The following KCNS3 variants were observed in gnomAD, a reference collection of about 807,000 sequenced individuals.
The protein encoded by KCNS3 is potassium voltage-gated channel modifier subfamily S member 3.
Under a neutral mutation model 31.0 loss-of-function variants are expected in KCNS3, and 13 were observed. The observed-to-expected ratio is 0.42, with a 90% CI of 0.27 to 0.67. The LOEUF is 0.67. Ranked by LOEUF, KCNS3 falls within the 30% of genes least tolerant of loss-of-function variation. The pLI is 0.25. For missense variants in KCNS3, 545 were observed against 622.4 expected, an observed-to-expected ratio of 0.88 and a Z score of 1.32; for synonymous variants, 238 against 241.5, an observed-to-expected ratio of 0.99 and a Z score of 0.13.
intron 1 of KCNS3, among the ~76,000 whole-genome samples, chr2:17,902,565 C>T (rs1278215115): frequency 6.6e-6 from 1 of 152,096 alleles, no homozygotes; most frequent in Non-Finnish European, 1.5e-5. Context: ...GGATAAAGTG[C>T]TTTTTATACA....
chr2:17,907,005 G>A (rs1662335540), intron 1 of KCNS3, among the ~76,000 whole-genome samples: 1 of 152,122 alleles, frequency 6.6e-6, no homozygotes, highest in Non-Finnish European at 1.5e-5. Context: ...TTCAATTCCT[G>A]GATATCCTTG....
rs372182383 is a variant in KCNS3, at chr2:17,908,843, G to A, written c.-251-8837G>A. Reference sequence around the variant, plus strand: ...GAAGCTTTGTCTCAGAGGGGTACCCGGCCGTGTGAAGTGTCAGTCTGCCCC... The same window carrying A: ...GAAGCTTTGTCTCAGAGGGGTACCCAGCCGTGTGAAGTGTCAGTCTGCCCC... On this transcript the variant is annotated intron_variant, in intron 1 of 2. Transcript: ENST00000304101. 5.6e-4 allele frequency among the ~76,000 whole-genome samples: 86 copies of A among 152,302 alleles called. 1 individual carries two copies. In the South Asian group the frequency reaches 0.016, roughly 28 times the overall value.
intron 1 of KCNS3, among the ~76,000 whole-genome samples, chr2:17,880,886 G>C (rs148539160): frequency 6.6e-6 from 1 of 152,240 alleles, no homozygotes; most frequent in East Asian, 1.9e-4. Context: ...GCATCCCTCT[G>C]TTCTACCACC....
chr2:17,887,484 G>GATCTATCTATCTATCTATCC (rs149585478), intron 1 of KCNS3, among the ~76,000 whole-genome samples: 3,117 of 146,348 alleles, frequency 0.021, 76 homozygotes, highest in East Asian at 0.13. Context: ...TCTATCATAT[G>GATCTATCTATCTATCTATCC]ATCTATCTAT....
chr2:17,908,252 C>T (rs908949258), intron 1 of KCNS3, among the ~76,000 whole-genome samples: 12 of 152,278 alleles, frequency 7.9e-5, no homozygotes, highest in South Asian at 4.1e-4. Flanking sequence ...TTGATTGAAT[C>T]GGCTACTGAA....
At chr2:17,896,992 A>G (rs1662044284) in intron 1 of KCNS3, among the ~76,000 whole-genome samples, 1 of 152,122 alleles carries the variant, frequency 6.6e-6, no homozygotes, top group African/African-American at 2.4e-5. Flanking sequence ...CCAGTTACCC[A>G]GGTAGTGAGC....
chr2:17,884,259 AAAAAAAAAAATATATAT>A (rs1330551277), intron 1 of KCNS3, among the ~76,000 whole-genome samples: 1 of 41,836 alleles, frequency 2.4e-5, no homozygotes, highest in Non-Finnish European at 5.0e-5. Flanking sequence ...GTATAATTAA[AAAAAAAAAAATATATAT>A]ATATATATAT....
intron 1 of KCNS3, among the ~76,000 whole-genome samples, chr2:17,883,480 C>T (rs12616838): frequency 0.29 from 44,414 of 151,806 alleles, 6,686 homozygotes; most frequent in East Asian, 0.39. Flanking sequence ...GGTAAGTTCT[C>T]TAAAGGACTT....
Position 17,907,555 on chromosome 2 carries a change from C to T in KCNS3, c.-251-10125C>T, listed in dbSNP as rs376930442. ...AGTTGATGCAGTTTATTCCTAGCAT[C>T]GATGATCTTTACAATTTGTCATGTT... On this transcript the variant is annotated intron_variant, in intron 1 of 2. Coordinates refer to ENST00000304101, the MANE Select transcript of KCNS3 (RefSeq NM_002252.5). Among the ~76,000 whole-genome samples the T allele has an allele frequency of 1.6e-4, 25 of 152,280 alleles. No individual in the cohort carries two copies. The East Asian group carries it at 1.9e-3, about 12-fold the overall frequency.
Position 17,932,712 on chromosome 2 carries a change from G to A in KCNS3, c.*228G>A. 4.1e-6 allele frequency: 2 copies of A among 484,100 alleles called. No individual in the cohort carries two copies. The highest frequency in any genetic ancestry group is 7.4e-6 in the Non-Finnish European group (2 of 268,682). 30.0% of individuals were successfully genotyped at this position (484,100 alleles called of 1,614,324 possible). ...TTTATTTTTTACAAGAGAGAGTTGT[G>A]ATATAGTTTGGAATATAAGATAAAT... On this transcript the variant is annotated 3_prime_UTR_variant, in exon 3 of 3. Transcript: ENST00000304101.
At position 17,891,761 on chromosome 2, in the gene KCNS3, C is replaced by T. The variant is rs184900907; in HGVS notation, c.-252+12955C>T. Among the ~76,000 whole-genome samples the T allele has an allele frequency of 4.7e-3, 709 of 152,242 alleles. 3 individuals carry two copies. The highest frequency in any genetic ancestry group is 7.6e-3 in the Non-Finnish European group (518 of 68,012). On this transcript the variant is annotated intron_variant, in intron 1 of 2. Transcript: ENST00000304101. ...GAGACTGAGGATATGGCCCTAGTCC[C>T]TTTTAGCTTGCAGGGTTTCTGCTGA...
chr2:17,925,085 T>C (rs1662803899), intron 2 of KCNS3, among the ~76,000 whole-genome samples: 1 of 140,848 alleles, frequency 7.1e-6, no homozygotes, highest in Non-Finnish European at 1.6e-5. Flanking sequence ...CTTTCTAGTG[T>C]AAACTAAAAA....
At chr2:17,887,484 G>GTTCTATCTATCT (rs1553341247) in intron 1 of KCNS3, among the ~76,000 whole-genome samples, 2 of 146,242 alleles carry the variant, frequency 1.4e-5, no homozygotes, top group Non-Finnish European at 1.5e-5. Flanking sequence ...TCTATCATAT[G>GTTCTATCTATCT]ATCTATCTAT....
chr2:17,886,182 T>C (rs1661650718), intron 1 of KCNS3, among the ~76,000 whole-genome samples: 1 of 152,192 alleles, frequency 6.6e-6, no homozygotes. Flanking sequence ...CAGACTAAAT[T>C]TGGGGCTTCA....
intron 1 of KCNS3, among the ~76,000 whole-genome samples, chr2:17,881,496 AC>A (rs1465819288): frequency 6.6e-6 from 1 of 152,194 alleles, no homozygotes; most frequent in Non-Finnish European, 1.5e-5. Flanking sequence ...ATTTGTTGTT[AC>A]GCTGTACTAG....
chr2:17,880,935 A>C lies in KCNS3; in HGVS notation c.-252+2129A>C, dbSNP rs575794195. 3.9e-5 allele frequency among the ~76,000 whole-genome samples: 6 copies of C among 152,284 alleles called. No individual in the cohort carries two copies. The South Asian group carries it at 1.2e-3, about 32-fold the overall frequency. On this transcript the variant is annotated intron_variant, in intron 1 of 2. Transcript: ENST00000304101. ...CCTGTGTCTGGCATTTGCCATTGGA[A>C]TGTGTGTCAGCTTTGAGAGAGTAGG...
intron 2 of KCNS3, among the ~76,000 whole-genome samples, chr2:17,921,766 G>A (rs1420067168): frequency 6.6e-6 from 1 of 151,336 alleles, no homozygotes; most frequent in Non-Finnish European, 1.5e-5. Context: ...GCAAGGGGAA[G>A]TCTGCCCCCA....
At chr2:17,898,549 T>C (rs1418633887) in intron 1 of KCNS3, among the ~76,000 whole-genome samples, 4 of 152,070 alleles carry the variant, frequency 2.6e-5, no homozygotes, top group Non-Finnish European at 5.9e-5. Flanking sequence ...AAAAATTACA[T>C]TTGTTTGAGT....
chr2:17,922,833 G>C (rs925575161), intron 2 of KCNS3, among the ~76,000 whole-genome samples: 3 of 152,242 alleles, frequency 2.0e-5, no homozygotes, highest in African/African-American at 7.2e-5. Flanking sequence ...GTTGTAGTCT[G>C]TCAGAACTTC....
Sources: allele counts gnomAD v4.1 joint callset (sites outside exome capture counted in the v4.1 genomes callset), GRCh38; gene constraint gnomAD v4.1.1; transcripts MANE v1.5; gene names NCBI Gene and HGNC (gene_info 2026-07-23, HGNC 2026-07-21).